PSMA1: variants seen among roughly 807,000 people sequenced by gnomAD.
PSMA1 encodes the protein proteasome subunit alpha type-1.
Under a neutral mutation model 38.4 loss-of-function variants are expected in PSMA1, and 3 were observed. That is an observed-to-expected ratio of 0.08 (90% CI 0.04 to 0.20). The LOEUF (loss-of-function observed/expected upper bound fraction) is 0.20, where lower values mean the gene tolerates loss of function less well. Among genes scored for constraint, PSMA1 ranks in the 10% least tolerant of loss-of-function variants. The probability of loss-of-function intolerance (pLI) is 1.00; values close to 1 mark genes in which losing one functional copy is unlikely to be tolerated. For missense variants in PSMA1, 227 were observed against 325.3 expected (o/e 0.70, Z 2.32); for synonymous variants, 101 against 107.1 (o/e 0.94, Z 0.35).
intron 1 of PSMA1, among the ~76,000 whole-genome samples, chr11:14,629,018 GT>G (rs1310606409): frequency 6.6e-6 from 1 of 150,870 alleles, no homozygotes; most frequent in South Asian, 2.1e-4. Flanking sequence ...GGGGTTGTTT[GT>G]TTTTTTCTTG....
At chr11:14,607,465 G>C (rs758366076) in intron 2 of PSMA1, among the ~76,000 whole-genome samples, 9 of 152,196 alleles carry the variant, frequency 5.9e-5, no homozygotes, top group Non-Finnish European at 1.0e-4. Flanking sequence ...ATAGGCCAGA[G>C]TAATACATTA....
chr11:14,513,821 T>C lies in PSMA1; in HGVS notation c.410A>G (p.Tyr137Cys), dbSNP rs146802101. The C allele has an allele frequency of 2.5e-6, 4 of 1,589,170 alleles. No individual in the cohort carries two copies. The highest frequency in any genetic ancestry group is 1.2e-5 in the South Asian group (1 of 85,546). Residue 137 changes from tyrosine (Y) to cysteine (C), a missense_variant, in exon 6 of 10, where the codon TAT becomes TGT. Physicochemically the swap from Tyr to Cys is radical, Grantham distance 194. Coordinates refer to ENST00000396394, the MANE Select transcript of PSMA1 (RefSeq NM_002786.4). Reference protein sequence around the residue: ...PYGVGLLIAGYDDMGPHIFQT... With the variant: ...PYGVGLLIAGCDDMGPHIFQT... ...AACAATATTCAATGAACTTACATCATAACCAGCAATAAGGAGACCAACACC... is the reference window on the plus strand; with the variant it reads ...AACAATATTCAATGAACTTACATCACAACCAGCAATAAGGAGACCAACACC...
rs552186196 is a variant in PSMA1 at position 14,548,824 on chromosome 11, T to C, written c.22-29783A>G. 2.6e-5 allele frequency among the ~76,000 whole-genome samples: 4 copies of C among 152,340 alleles called. No homozygotes were observed. In the East Asian group the frequency reaches 7.7e-4, roughly 29 times the overall value. The stretch of plus-strand genomic sequence containing the variant: ...CTTGACTGTGTAATAAATATTTTAT[T>C]TTGACCTACTTTCCCTCACACCCAG... On this transcript the variant is annotated intron_variant, in intron 2 of 10. Transcript: ENST00000418988.
At chr11:14,579,898 G>A (rs751033121) in intron 2 of PSMA1, among the ~76,000 whole-genome samples, 2 of 152,164 alleles carry the variant, frequency 1.3e-5, no homozygotes, top group Non-Finnish European at 2.9e-5. Context: ...CTGAGGAAAT[G>A]CCATTCCCAG....
chr11:14,556,591 T>C (rs1851942903), intron 2 of PSMA1, among the ~76,000 whole-genome samples: 1 of 152,222 alleles, frequency 6.6e-6, no homozygotes, highest in Non-Finnish European at 1.5e-5. Flanking sequence ...TGTATTCTTT[T>C]TTAAAAGGCC....
At chr11:14,577,200 T>C (rs1852228778) in intron 2 of PSMA1, among the ~76,000 whole-genome samples, 1 of 152,216 alleles carries the variant, frequency 6.6e-6, no homozygotes, top group Admixed American at 6.5e-5. Context: ...TACTAACTTA[T>C]TTGATTCCAT....
chr11:14,638,537 CTCTCTCTCTATATATATATATATATA>C (rs1189264481), intron 1 of PSMA1, among the ~76,000 whole-genome samples: 496 of 22,660 alleles, frequency 0.022, 1 homozygote, highest in Non-Finnish European at 0.032. Flanking sequence ...CTCTCTCTCT[CTCTCTCTCTATATATATATATATATA>C]TATATATATA....
intron 1 of PSMA1, among the ~76,000 whole-genome samples, chr11:14,630,443 C>T (rs949467003): frequency 2.1e-4 from 32 of 152,180 alleles, no homozygotes; most frequent in African/African-American, 7.0e-4. Flanking sequence ...TTGTCTTTGG[C>T]TCTGTTTATA....
At chr11:14,544,236 G>C (rs1031118641) in intron 2 of PSMA1, among the ~76,000 whole-genome samples, 1 of 152,044 alleles carries the variant, frequency 6.6e-6, no homozygotes, top group Non-Finnish European at 1.5e-5. Flanking sequence ...TGCCATGTTT[G>C]CTGCCCAGGC....
chr11:14,512,751 T>A (rs1851365380), intron 7 of PSMA1, among the ~76,000 whole-genome samples: 1 of 152,230 alleles, frequency 6.6e-6, no homozygotes, highest in Admixed American at 6.5e-5. Context: ...GTTAAAAGTC[T>A]TACCTGGGAG....
At chr11:14,624,752 A>G (rs775771816) in intron 1 of PSMA1, among the ~76,000 whole-genome samples, 1 of 152,148 alleles carries the variant, frequency 6.6e-6, no homozygotes, top group African/African-American at 2.4e-5. Flanking sequence ...TGCAACTCCT[A>G]TGTCATCTAC....
At chr11:14,622,094 G>GT (rs1852853553) in intron 1 of PSMA1, among the ~76,000 whole-genome samples, 1 of 152,182 alleles carries the variant, frequency 6.6e-6, no homozygotes, top group South Asian at 2.1e-4. Context: ...AGAAAAGTAT[G>GT]TAAGACTGGG....
chr11:14,547,706 T>C (rs2134167205), intron 2 of PSMA1, among the ~76,000 whole-genome samples: 1 of 152,156 alleles, frequency 6.6e-6, no homozygotes, highest in South Asian at 2.1e-4. Context: ...GCTCAGAGGC[T>C]CTGTGGGGGA....
chr11:14,568,199 AGT>A (rs1354509563), intron 2 of PSMA1, among the ~76,000 whole-genome samples: 3 of 152,214 alleles, frequency 2.0e-5, no homozygotes, highest in Non-Finnish European at 4.4e-5. Context: ...TCTGTGGAAG[AGT>A]GAAGTGCCCA....
upstream of PSMA1, chr11:14,520,695 C>A: frequency 3.1e-6 from 1 of 320,524 alleles, no homozygotes; most frequent in East Asian, 6.9e-5. Flanking sequence ...CTGGGTGATA[C>A]TAGCTCTCAT....
chr11:14,600,505 G>A (rs1169541589), intron 2 of PSMA1, among the ~76,000 whole-genome samples: 1 of 152,164 alleles, frequency 6.6e-6, no homozygotes, highest in Non-Finnish European at 1.5e-5. Flanking sequence ...TCAGACTGCT[G>A]AGCTAGCAGT....
chr11:14,509,166 T>A (rs1851299097), intron 8 of PSMA1, among the ~76,000 whole-genome samples: 1 of 152,216 alleles, frequency 6.6e-6, no homozygotes, highest in Admixed American at 6.5e-5. Flanking sequence ...ATTTTACATG[T>A]CCGCAACTGA....
At chr11:14,539,731 C>T (rs1851750150) in intron 2 of PSMA1, among the ~76,000 whole-genome samples, 1 of 152,052 alleles carries the variant, frequency 6.6e-6, no homozygotes, top group Non-Finnish European at 1.5e-5. Context: ...CGCCTATAGT[C>T]CCAGCTACTC....
In PSMA1 at chr11:14,507,473, T is replaced by C. The variant is rs1589976019; in HGVS notation, c.735+183A>G. ...GAGCCACCGCACCCGGCCCCCTTTT[T>C]GTGTTTATGGAGATCACTGCCCTTT... On this transcript the variant is annotated intron_variant, in intron 9 of 9. Coordinates refer to ENST00000396394, the MANE Select transcript of PSMA1 (RefSeq NM_002786.4). 5 of 533,130 alleles carry C rather than the reference T, an allele frequency of 9.4e-6. No individual in the cohort carries two copies. In the East Asian group the frequency reaches 1.4e-4, roughly 15 times the overall value. 33.0% of individuals were successfully genotyped at this position (533,130 alleles called of 1,614,324 possible). A position where few individuals can be genotyped will look rare whatever the true frequency, so the allele number is the denominator to read the frequency against.
Sources: gnomAD v4.1 joint callset for allele counts (sites outside exome capture counted in the v4.1 genomes callset) on GRCh38, gnomAD v4.1.1 for gene constraint, MANE v1.5 for transcripts, NCBI Gene and HGNC (gene_info 2026-07-23, HGNC 2026-07-21) for gene names.